EFCAB5: variants seen among roughly 807,000 people sequenced by gnomAD.
EFCAB5 encodes the protein EF-hand calcium-binding domain-containing protein 5.
Under a neutral mutation model 167.9 loss-of-function variants are expected in EFCAB5, and 131 were observed. The ratio of observed to expected loss-of-function variants is 0.78; its 90% CI spans 0.68 to 0.90. EFCAB5 has a LOEUF of 0.90. Ranked by LOEUF, EFCAB5 falls within the 40% of genes least tolerant of loss-of-function variation. EFCAB5 has a pLI of 0.00. For synonymous variants in EFCAB5, 574 were observed against 602.8 expected (o/e 0.95, Z 0.70); for missense variants, 1,663 against 1,745.2 (o/e 0.95, Z 0.84).
At chr17:30,089,971 T>C (rs2071162340) in intron 19 of EFCAB5, among the ~76,000 whole-genome samples, 1 of 152,186 alleles carries the variant, frequency 6.6e-6, no homozygotes, top group African/African-American at 2.4e-5. Flanking sequence ...CCTCACAGGT[T>C]TCTCCAGCGA....
Position 30,059,574 on chromosome 17 carries a change from G to C in EFCAB5, c.2610G>C (p.Gln870His). 6.2e-7 allele frequency: 1 copy of C among 1,607,714 alleles called. No individual in the cohort carries two copies. The change falls in exon 14 of 23, where the codon CAG becomes CAC. Residue 870 changes from glutamine (Q) to histidine (H), a missense_variant. Physicochemically the swap from Gln to His is conservative, Grantham distance 24. Transcript: ENST00000394835. ...GCCAAAATGCTTTCCAAGTCCGACA[G>C]AGGCTTCTCCTAGAAGCCATCTTTC... ...QFSQNAFQVR[Q>H]RLLLEAIFQK...
intron 3 of EFCAB5, among the ~76,000 whole-genome samples, chr17:29,963,885 C>T (rs927454652): frequency 6.6e-6 from 1 of 152,144 alleles, no homozygotes; most frequent in African/African-American, 2.4e-5. Context: ...AGTGAGTTCT[C>T]ACTCTATGAG....
intron 4 of EFCAB5, among the ~76,000 whole-genome samples, chr17:29,970,497 A>G (rs979222196): frequency 1.3e-5 from 2 of 152,012 alleles, no homozygotes; most frequent in African/African-American, 4.8e-5. Context: ...GAAAAGACAA[A>G]CCTTACAGGA....
Position 30,028,949 on chromosome 17 carries a change from A to C in EFCAB5, c.1045-5281A>C, listed in dbSNP as rs554157249. 3.3e-5 allele frequency among the ~76,000 whole-genome samples: 5 copies of C among 152,280 alleles called. No individual in the cohort carries two copies. The East Asian group carries it at 9.6e-4, about 29-fold the overall frequency. ...ATTTAATTACCTCTTTAAAGACCCT[A>C]TCTCCAAATACAGTTATATTTTGAG... On this transcript the variant is annotated intron_variant, in intron 7 of 22. Transcript: ENST00000394835.
Position 30,062,931 on chromosome 17 carries a change from G to T in EFCAB5, c.2737+3230G>T, listed in dbSNP as rs141904638. On this transcript the variant is annotated intron_variant, in intron 14 of 22. Transcript: ENST00000394835. ...CTGCATCCCAAGAAATGGTGCCTTG[G>T]CCACTCAGAACAGTCACACCCCCAG... Among the ~76,000 whole-genome samples the T allele has an allele frequency of 8.5e-5, 13 of 152,280 alleles. No homozygotes were observed. In the East Asian group the frequency reaches 2.5e-3, roughly 29 times the overall value.
At chr17:30,059,419 A>G (rs780976810) in intron 13 of EFCAB5, 126 bp from the exon 14 acceptor site, 40 of 1,053,778 alleles carry the variant, frequency 3.8e-5, no homozygotes, top group Non-Finnish European at 5.1e-5. Flanking sequence ...CCTTAATATC[A>G]TGCTTAGCCT....
intron 3 of EFCAB5, among the ~76,000 whole-genome samples, chr17:29,957,624 C>T (rs573472412): frequency 1.8e-4 from 27 of 152,302 alleles, no homozygotes; most frequent in Middle Eastern, 6.8e-3. Flanking sequence ...ATAATGACTT[C>T]CAGCTCCATC....
intron 4 of EFCAB5, among the ~76,000 whole-genome samples, chr17:29,991,218 C>T (rs1406958107): frequency 1.3e-5 from 2 of 152,118 alleles, no homozygotes; most frequent in Non-Finnish European, 2.9e-5. Context: ...CTCCAGTGAC[C>T]CTTCGACCCA....
At chr17:29,934,528 A>G (rs182914451) in intron 1 of EFCAB5, among the ~76,000 whole-genome samples, 1 of 152,328 alleles carries the variant, frequency 6.6e-6, no homozygotes, top group Admixed American at 6.5e-5. Flanking sequence ...ATATATATAA[A>G]AAGAGAGATC....
intron 7 of EFCAB5, among the ~76,000 whole-genome samples, chr17:30,018,461 TG>T (rs531384543): frequency 2.2e-3 from 340 of 152,234 alleles, no homozygotes; most frequent in African/African-American, 8.0e-3. Flanking sequence ...TGATTTTTAT[TG>T]TTTTTTTTTC....
At chr17:29,991,313 G>GAC (rs2068412673) in intron 4 of EFCAB5, among the ~76,000 whole-genome samples, 2 of 152,200 alleles carry the variant, frequency 1.3e-5, no homozygotes, top group Admixed American at 6.5e-5. Context: ...AGGAATTAAA[G>GAC]ACACACACAC....
At chr17:30,061,098 A>G (rs1207470996) in intron 14 of EFCAB5, among the ~76,000 whole-genome samples, 1 of 152,258 alleles carries the variant, frequency 6.6e-6, no homozygotes, top group African/African-American at 2.4e-5. Context: ...GGACAGATAG[A>G]TAGCATAAAA....
In EFCAB5 at chr17:30,080,930, A is replaced by G. The variant is rs768134733; in HGVS notation, c.3375A>G (p.Arg1125=). ...IFGVLAVDTL[R]DPHEINIFLP... The stretch of plus-strand genomic sequence containing the variant: ...GGGTCTTGGCTGTTGATACCCTTAG[A>G]GATCCCCACGAAATAAACATCTTTC... The change falls in exon 17 of 23, where the codon AGA becomes AGG. Residue 1125 remains arginine, a synonymous_variant. Coordinates refer to ENST00000394835, the MANE Select transcript of EFCAB5 (RefSeq NM_198529.4). The G allele has an allele frequency of 7.4e-6, 12 of 1,613,504 alleles. No homozygotes were observed. The highest frequency in any genetic ancestry group is 1.0e-5 in the Non-Finnish European group (12 of 1,179,868).
chr17:29,946,778 A>G (rs1447318195), intron 3 of EFCAB5, among the ~76,000 whole-genome samples: 4 of 152,188 alleles, frequency 2.6e-5, no homozygotes, highest in African/African-American at 9.6e-5. Flanking sequence ...TAGATCTACC[A>G]TTCAATCTAG....
chr17:30,077,897 A>G (rs1266214409), intron 14 of EFCAB5, among the ~76,000 whole-genome samples: 1 of 152,252 alleles, frequency 6.6e-6, no homozygotes, highest in Non-Finnish European at 1.5e-5. Context: ...AAAGAGTAAC[A>G]GGATAGAATT....
In EFCAB5 at chr17:30,081,499, G is replaced by A. The variant is rs150307470; in HGVS notation, c.3426+518G>A. On this transcript the variant is annotated intron_variant, in intron 17 of 22. Coordinates refer to ENST00000394835, the MANE Select transcript of EFCAB5 (RefSeq NM_198529.4). ...TTTTAAATTAGATCACAAAATGATA[G>A]GCACTTTTAAGATCATGAAATAGCT... 7.3e-3 allele frequency among the ~76,000 whole-genome samples: 1,108 copies of A among 152,234 alleles called. 6 individuals carry two copies. Among genetic ancestry groups the A allele is most frequent in the African/African-American group, 0.026 (1,063 of 41,536 alleles).
At chr17:30,096,527 T>A (rs1015447924) in intron 22 of EFCAB5, among the ~76,000 whole-genome samples, 1 of 151,770 alleles carries the variant, frequency 6.6e-6, no homozygotes, top group African/African-American at 2.4e-5. Flanking sequence ...CACTCCAGCC[T>A]GGGCAACATA....
intron 7 of EFCAB5, among the ~76,000 whole-genome samples, chr17:30,011,714 G>A (rs780655509): frequency 1.6e-4 from 25 of 152,180 alleles, no homozygotes; most frequent in Non-Finnish European, 2.4e-4. Flanking sequence ...GGGCTGAGAC[G>A]ATGGGGTTTT....
intron 1 of EFCAB5, chr17:29,930,026 C>T (rs2067157965): frequency 1.3e-6 from 2 of 1,541,668 alleles, no homozygotes; most frequent in African/African-American, 1.4e-5. Flanking sequence ...TTGTTCCGGG[C>T]AGGGCATTCT....
Sources: allele counts gnomAD v4.1 joint callset (sites outside exome capture counted in the v4.1 genomes callset), GRCh38; gene constraint gnomAD v4.1.1; transcripts MANE v1.5; gene names NCBI Gene and HGNC (gene_info 2026-07-23, HGNC 2026-07-21).